LAD1: variants seen among roughly 807,000 people sequenced by gnomAD.
The protein encoded by LAD1 is ladinin 1.
A neutral mutation model predicts 54.2 loss-of-function variants in LAD1; 53 were observed. The ratio of observed to expected loss-of-function variants is 0.98; its 90% CI spans 0.78 to 1.23. The LOEUF is 1.23. LAD1 is among the 50% of genes most tolerant of loss of function. LAD1 has a pLI of 0.00. For missense variants in LAD1, 637 were observed against 653.3 expected (o/e 0.98, Z 0.27); for synonymous variants, 231 against 257.7 (o/e 0.90, Z 0.99).
chr1:201,381,412 G>C lies in LAD1; in HGVS notation c.*476C>G, dbSNP rs915909508. The C allele has an allele frequency of 5.3e-6, 1 of 187,980 alleles. No homozygotes were observed. The highest frequency in any genetic ancestry group is 5.3e-5 in the Admixed American group (1 of 18,746). The allele number at this position is 187,980 out of a possible 1,614,324, so 11.6% of individuals were successfully genotyped here. A position where few individuals can be genotyped will look rare whatever the true frequency, so the allele number is the denominator to read the frequency against. ...TCTCCCCTGGCCAGAGCGGGCCTCA[G>C]TGGCTGGGAGCAGGCCCCAGGGACA... is the stretch of plus-strand genomic sequence containing the variant. On this transcript the variant is annotated 3_prime_UTR_variant, in exon 10 of 10. Coordinates refer to ENST00000391967, the MANE Select transcript of LAD1 (RefSeq NM_005558.4).
rs1298194560 is a variant in LAD1 at position 201,387,029 on chromosome 1, T to C, written c.332A>G (p.Glu111Gly). Reference sequence around the variant, plus strand: ...CCTCCCCTCCTCTGCCTCCAGCCTCTCCTGGATGGGGGCCTGTGCAGCCTC... The same window carrying C: ...CCTCCCCTCCTCTGCCTCCAGCCTCCCCTGGATGGGGGCCTGTGCAGCCTC... Reference protein sequence around the residue: ...VVEAAQAPIQERLEAEEGRNS... With the variant: ...VVEAAQAPIQGRLEAEEGRNS... The change falls in exon 3 of 10, where the codon GAG (glutamate) becomes GGG (glycine). Residue 111 changes from glutamate (E) to glycine (G), a missense_variant. Glu to Gly is a moderately conservative substitution (Grantham distance 98). Coordinates refer to ENST00000391967, the MANE Select transcript of LAD1 (RefSeq NM_005558.4). 1.1e-5 allele frequency: 17 copies of C among 1,612,022 alleles called. No homozygotes were observed. Among genetic ancestry groups the C allele is most frequent in the Non-Finnish European group, 1.4e-5 (17 of 1,179,154 alleles).
At position 201,386,745 on chromosome 1, in the gene LAD1, C is replaced by G; in HGVS notation, c.616G>C (p.Val206Leu). The G allele has an allele frequency of 6.2e-7, 1 of 1,614,168 alleles. No homozygotes were observed. The highest frequency in any genetic ancestry group is 8.5e-7 in the Non-Finnish European group (1 of 1,179,994). Reference protein sequence around the residue: ...VSDKTSISEKVLASEKTSLSE... With the variant: ...VSDKTSISEKLLASEKTSLSE... ...AGAGATGTCTTCTCTGAGGCCAGCA[C>G]CTTCTCAGAGATGGAGGTTTTATCG... The change falls in exon 3 of 10, where the codon GTG becomes CTG. Residue 206 changes from valine to leucine, a missense_variant. Val to Leu is a conservative substitution (Grantham distance 32, BLOSUM62 1). Transcript: ENST00000391967.
chr1:201,382,910 TA>T, intron 7 of LAD1, 163 bp downstream of exon 7: 1 of 1,037,612 alleles, frequency 9.6e-7, no homozygotes, highest in Non-Finnish European at 1.4e-6. Context: ...TGTGCCCAGC[TA>T]AGGAGATGGG....
chr1:201,398,765 C>T (rs55914949), intron 1 of LAD1, among the ~76,000 whole-genome samples: 555 of 152,290 alleles, frequency 3.6e-3, no homozygotes, highest in Non-Finnish European at 5.7e-3. Context: ...TCTGAGCGTC[C>T]TTAGTGGGAG....
In LAD1 at chr1:201,383,056, G is replaced by A. The variant is rs758890303; in HGVS notation, c.1386+18C>T. 1 of 1,606,546 alleles carries A rather than the reference G, an allele frequency of 6.2e-7. No individual in the cohort carries two copies. Among genetic ancestry groups the A allele is most frequent in the Admixed American group, 1.7e-5 (1 of 59,460 alleles). On this transcript the variant is annotated intron_variant, in intron 7 of 9. Coordinates refer to ENST00000391967, the MANE Select transcript of LAD1 (RefSeq NM_005558.4). ...GGGCTAATCACCCTAAGGACCCTGTGGGGCCTGAGCCCCTCACCTTCCGGC... is the reference window on the plus strand; with the variant it reads ...GGGCTAATCACCCTAAGGACCCTGTAGGGCCTGAGCCCCTCACCTTCCGGC...
intron 9 of LAD1, 88 bp from the exon 10 acceptor site, chr1:201,381,981 G>T: frequency 1.4e-6 from 2 of 1,412,574 alleles, no homozygotes; most frequent in Non-Finnish European, 2.0e-6. Flanking sequence ...GCATCCCTTT[G>T]CCCAAGCCCC....
At chr1:201,383,803 C>T (rs1207681053) in intron 5 of LAD1, among the ~76,000 whole-genome samples, 2 of 152,212 alleles carry the variant, frequency 1.3e-5, no homozygotes, top group African/African-American at 4.8e-5. Flanking sequence ...GGCCTTGGCA[C>T]AGCATACAAG....
rs1558269361 is a variant in LAD1, at chr1:201,383,124, C to G, written c.1336G>C (p.Glu446Gln). Residue 446 changes from glutamate to glutamine, a missense_variant, in exon 7 of 10, where the codon GAG (glutamate) becomes CAG (glutamine). Transcript: ENST00000391967. Reference sequence around the variant, plus strand: ...CGGCTCTGGCCCGCCAGTTCCTTCTCAAAGAGGTGGCGCTTGCTGGCTACA... The same window carrying G: ...CGGCTCTGGCCCGCCAGTTCCTTCTGAAAGAGGTGGCGCTTGCTGGCTACA... ...VGVASKRHLF[E>Q]KELAGQSRAE... The G allele has an allele frequency of 1.2e-6, 2 of 1,614,108 alleles. No individual in the cohort carries two copies. The highest frequency in any genetic ancestry group is 1.7e-5 in the Admixed American group (1 of 60,026).
In LAD1 at chr1:201,385,747, T is replaced by G; in HGVS notation, c.1085A>C (p.Tyr362Ser). The change falls in exon 4 of 10, where the codon TAC becomes TCC. Residue 362 changes from tyrosine (Y) to serine (S), a missense_variant. Transcript: ENST00000391967. ...GCTGGAGCGTTTGAGGGAGCTGCTG[T>G]AGGTTCGCTGTGTGGGTGAGGACAT... ...ADMSSPTQRT[Y>S]SSSLKRSSPR... 6.2e-7 allele frequency: 1 copy of G among 1,614,164 alleles called. No homozygotes were observed. The highest frequency in any genetic ancestry group is 8.5e-7 in the Non-Finnish European group (1 of 1,179,994).
At chr1:201,386,268 T>A (rs1571720577) in intron 3 of LAD1, 67 bp downstream of exon 3, 1 of 1,342,116 alleles carries the variant, frequency 7.5e-7, no homozygotes, top group Non-Finnish European at 9.6e-7. Flanking sequence ...ACTACCTGGG[T>A]GGGACTGGCC....
intron 1 of LAD1, among the ~76,000 whole-genome samples, chr1:201,390,590 G>A (rs1662180670): frequency 6.6e-6 from 1 of 152,158 alleles, no homozygotes; most frequent in Non-Finnish European, 1.5e-5. Flanking sequence ...CAAATTCCTA[G>A]TAAAGCTGCA....
intron 1 of LAD1, among the ~76,000 whole-genome samples, chr1:201,397,060 C>A (rs1303773641): frequency 1.3e-5 from 2 of 152,208 alleles, no homozygotes; most frequent in Non-Finnish European, 2.9e-5. Flanking sequence ...ACTGCCCCCC[C>A]AATCCCAGGG....
intron 7 of LAD1, 134 bp from the exon 8 acceptor site, chr1:201,382,873 GC>G (rs35796636): frequency 1.0e-6 from 1 of 957,858 alleles, no homozygotes; most frequent in East Asian, 2.4e-5. Context: ...ACCTGGGACA[GC>G]CCCCTCCCCT....
chr1:201,386,355 G>C lies in LAD1; in HGVS notation c.1006C>G (p.Leu336Val). 6.7e-7 allele frequency: 1 copy of C among 1,481,836 alleles called. No individual in the cohort carries two copies. The highest frequency in any genetic ancestry group is 2.4e-5 in the East Asian group (1 of 42,116). The allele number at this position is 1,481,836 out of a possible 1,614,324, so 91.8% of individuals were successfully genotyped here. The change falls in exon 3 of 10, where the codon CTC (leucine) becomes GTC (valine). Residue 336 changes from leucine to valine, a missense_variant. By Grantham distance (32) the Leu-to-Val change is conservative. Coordinates refer to ENST00000391967, the MANE Select transcript of LAD1 (RefSeq NM_005558.4). ...ASDPPTVASR[L>V]PPVTLQVKIP... is the part of the protein sequence containing the mutation. ...CCAACCTGGAGTGTGACGGGTGGGA[G>C]GCGGGAGGCCACAGTCGGAGGGTCT...
intron 1 of LAD1, among the ~76,000 whole-genome samples, chr1:201,392,695 T>C (rs933027513): frequency 6.6e-6 from 1 of 151,352 alleles, no homozygotes; most frequent in Non-Finnish European, 1.5e-5. Context: ...AGGACTTGGG[T>C]TTTATTCCAG....
intron 8 of LAD1, 129 bp downstream of exon 8, chr1:201,382,524 C>T: frequency 3.9e-6 from 3 of 763,462 alleles, no homozygotes; most frequent in Non-Finnish European, 6.2e-6. Context: ...CCTGAAATGA[C>T]TCCTCCTCTC....
At chr1:201,399,184 G>A in intron 1 of LAD1, 85 bp downstream of exon 1, 1 of 1,122,378 alleles carries the variant, frequency 8.9e-7, no homozygotes, top group East Asian at 2.6e-5. Context: ...GGTCCCAGGC[G>A]GGGAGGAGGC....
chr1:201,384,166 A>AG (rs1662026483), intron 5 of LAD1, among the ~76,000 whole-genome samples: 1 of 152,164 alleles, frequency 6.6e-6, no homozygotes, highest in Non-Finnish European at 1.5e-5. Context: ...TGAGGACAGC[A>AG]GCTGTGTCAT....
Position 201,382,716 on chromosome 1 carries a change from AACCCCTGAGAGCCTC to A in LAD1, c.1395_1409del (p.Leu465_Val470delinsPhe). 1 of 1,606,844 alleles carries A rather than the reference AACCCCTGAGAGCCTC, an allele frequency of 6.2e-7. No homozygotes were observed. The highest frequency in any genetic ancestry group is 1.7e-5 in the Admixed American group (1 of 59,082). ...TCCACAGGTTGAGCCTTGATGTCAC[AACCCCTGAGAGCCTC>A]AAGTTCTCCTAAAAAGAGAACTTTC... On this transcript the variant is annotated inframe_deletion, in exon 8 of 10. Coordinates refer to ENST00000391967, the MANE Select transcript of LAD1 (RefSeq NM_005558.4).
Sources: gnomAD v4.1 joint callset for allele counts (sites outside exome capture counted in the v4.1 genomes callset) on GRCh38, gnomAD v4.1.1 for gene constraint, MANE v1.5 for transcripts, NCBI Gene and HGNC (gene_info 2026-07-23, HGNC 2026-07-21) for gene names.